The following MKLN1 variants were observed in gnomAD, a reference collection of about 807,000 sequenced individuals.
MKLN1 encodes the protein muskelin 1.
In MKLN1, 18 loss-of-function variants were observed where a neutral mutation model predicts 99.0. The observed-to-expected ratio is 0.18, with a 90% CI of 0.13 to 0.27. The LOEUF (loss-of-function observed/expected upper bound fraction) is 0.27. Ranked by LOEUF, MKLN1 falls within the 10% of genes least tolerant of loss-of-function variation. The pLI is 1.00. For missense variants in MKLN1, 621 were observed against 875.9 expected, an observed-to-expected ratio of 0.71 and a Z score of 3.67; for synonymous variants, 288 against 293.2, an observed-to-expected ratio of 0.98 and a Z score of 0.18.
At chr7:131,448,084 T>C (rs1001312756) in intron 12 of MKLN1, among the ~76,000 whole-genome samples, 2 of 152,086 alleles carry the variant, frequency 1.3e-5, no homozygotes, top group Non-Finnish European at 2.9e-5. Context: ...AAAAATTAGC[T>C]GGGCGTGGTG....
intron 6 of MKLN1, among the ~76,000 whole-genome samples, chr7:131,406,821 G>A (rs1169483766): frequency 1.3e-5 from 2 of 152,034 alleles, no homozygotes; most frequent in African/African-American, 4.8e-5. Context: ...CAGCTTCCTT[G>A]TTGCTGTTGA....
intron 9 of MKLN1, among the ~76,000 whole-genome samples, chr7:131,432,705 G>A (rs1584737011): frequency 6.6e-6 from 1 of 152,018 alleles, no homozygotes; most frequent in East Asian, 1.9e-4. Context: ...CTCGGCCTCC[G>A]AAAGTGCTGG....
chr7:131,202,337 G>A (rs560078800), intron 2 of MKLN1, among the ~76,000 whole-genome samples: 24 of 151,776 alleles, frequency 1.6e-4, no homozygotes, highest in African/African-American at 5.6e-4. Flanking sequence ...GGATGGTCTT[G>A]ATCTCCTGAC....
chr7:131,294,636 A>G (rs1444476501), intron 3 of MKLN1, among the ~76,000 whole-genome samples: 1 of 152,190 alleles, frequency 6.6e-6, no homozygotes, highest in Non-Finnish European at 1.5e-5. Flanking sequence ...GCTAGGGCTG[A>G]GGAAGGGGGC....
intron 1 of MKLN1, among the ~76,000 whole-genome samples, chr7:131,349,397 A>G (rs1799655329): frequency 1.3e-5 from 2 of 152,148 alleles, no homozygotes; most frequent in African/African-American, 4.8e-5. Flanking sequence ...GGGTTTCACC[A>G]TGTTGACCAG....
At chr7:131,328,751 A>AT (rs1798974983) in intron 1 of MKLN1, among the ~76,000 whole-genome samples, 1 of 152,154 alleles carries the variant, frequency 6.6e-6, no homozygotes, top group South Asian at 2.1e-4. Context: ...AATGAATTTG[A>AT]TTTTCAACAC....
chr7:131,380,553 T>C (rs1449777969), intron 2 of MKLN1, among the ~76,000 whole-genome samples: 1 of 152,222 alleles, frequency 6.6e-6, no homozygotes, highest in Non-Finnish European at 1.5e-5. Context: ...GTAGCAGTAT[T>C]ATTATAGGCA....
At chr7:131,391,935 G>A (rs1443647906) in intron 4 of MKLN1, among the ~76,000 whole-genome samples, 1 of 152,146 alleles carries the variant, frequency 6.6e-6, no homozygotes, top group Non-Finnish European at 1.5e-5. Flanking sequence ...AGGACAGTTG[G>A]CCTTAGAAAG....
chr7:131,378,065 G>T (rs1223026074), intron 2 of MKLN1, among the ~76,000 whole-genome samples: 2 of 152,144 alleles, frequency 1.3e-5, no homozygotes, highest in African/African-American at 4.8e-5. Flanking sequence ...TTAGTTGTAT[G>T]AGAGACTGCC....
At chr7:131,417,822 T>C (rs1268542472) in intron 8 of MKLN1, among the ~76,000 whole-genome samples, 2 of 152,340 alleles carry the variant, frequency 1.3e-5, no homozygotes, top group Admixed American at 6.5e-5. Flanking sequence ...ACCAAAATAT[T>C]GACGTTAGTT....
intron 3 of MKLN1, among the ~76,000 whole-genome samples, chr7:131,246,267 G>A (rs191435583): frequency 9.2e-5 from 14 of 152,324 alleles, no homozygotes; most frequent in African/African-American, 2.4e-4. Flanking sequence ...TTGCTTGTGA[G>A]GCCCAGGGAA....
chr7:131,196,992 T>C (rs765087964), intron 2 of MKLN1, among the ~76,000 whole-genome samples: 17 of 152,136 alleles, frequency 1.1e-4, no homozygotes, highest in Non-Finnish European at 2.4e-4. Flanking sequence ...GTGCAGCTCC[T>C]TTGACTGCTG....
intron 2 of MKLN1, among the ~76,000 whole-genome samples, chr7:131,144,374 C>T (rs1439707259): frequency 6.7e-6 from 1 of 150,250 alleles, no homozygotes; most frequent in African/African-American, 2.5e-5. Context: ...CCCAGCTACT[C>T]GGGAGGCCAA....
chr7:131,340,375 T>G (rs1799372772), intron 1 of MKLN1, among the ~76,000 whole-genome samples: 1 of 149,066 alleles, frequency 6.7e-6, no homozygotes, highest in Non-Finnish European at 1.5e-5. Flanking sequence ...CCTCCCAGGT[T>G]CAAGCAATTT....
intron 2 of MKLN1, among the ~76,000 whole-genome samples, chr7:131,195,406 G>C (rs1796627257): frequency 6.6e-6 from 1 of 151,932 alleles, no homozygotes; most frequent in Non-Finnish European, 1.5e-5. Context: ...AGCTACTCAG[G>C]AGGCTGAGGC....
intron 1 of MKLN1, among the ~76,000 whole-genome samples, chr7:131,130,987 A>G (rs923105972): frequency 2.0e-4 from 28 of 142,306 alleles, no homozygotes; most frequent in African/African-American, 7.1e-4. Context: ...AGGAAGTTGA[A>G]GCTGCAGTGA....
chr7:131,470,488 A>G (rs892522785), intron 15 of MKLN1, among the ~76,000 whole-genome samples: 4 of 152,242 alleles, frequency 2.6e-5, no homozygotes, highest in Admixed American at 1.3e-4. Context: ...TGGATGAAAC[A>G]CATTGGGATT....
intron 15 of MKLN1, among the ~76,000 whole-genome samples, chr7:131,466,957 T>G (rs1796682740): frequency 6.6e-6 from 1 of 151,960 alleles, no homozygotes; most frequent in Non-Finnish European, 1.5e-5. Flanking sequence ...GCAGGCACCC[T>G]GAGTCATGTT....
intron 2 of MKLN1, among the ~76,000 whole-genome samples, chr7:131,202,447 A>G (rs953912135): frequency 6.6e-6 from 1 of 151,846 alleles, no homozygotes; most frequent in African/African-American, 2.4e-5. Flanking sequence ...GTTGTTATAT[A>G]GATTAGAGGT....
Sources: gnomAD v4.1 joint callset for allele counts (sites outside exome capture counted in the v4.1 genomes callset) on GRCh38, gnomAD v4.1.1 for gene constraint, MANE v1.5 for transcripts, NCBI Gene and HGNC (gene_info 2026-07-23, HGNC 2026-07-21) for gene names.